RCOR3: variants seen among roughly 807,000 people sequenced by gnomAD.
The protein encoded by RCOR3 is REST corepressor 3.
A neutral mutation model predicts 64.1 loss-of-function variants in RCOR3; 13 were observed. That is an observed-to-expected ratio of 0.20 (90% CI 0.13 to 0.32). The LOEUF (loss-of-function observed/expected upper bound fraction) is 0.32. Among genes scored for constraint, RCOR3 ranks in the 10% least tolerant of loss-of-function variants. The pLI is 1.00. For missense variants in RCOR3, 489 were observed against 701.2 expected (o/e 0.70, Z 3.42); for synonymous variants, 215 against 239.0 (o/e 0.90, Z 0.93).
rs144000435 is a variant in RCOR3 at position 211,313,502 on chromosome 1, A to G, written c.1396A>G (p.Ile466Val). The G allele has an allele frequency of 5.8e-5, 94 of 1,613,854 alleles. 1 individual carries two copies. The highest frequency in any genetic ancestry group is 7.3e-5 in the Non-Finnish European group (86 of 1,180,004). ...ATCCACTCCAACACCAACAGCCCCT[A>G]TTGCCACTCTGAACCAGCCTCCACC... is the stretch of plus-strand genomic sequence containing the variant. ...PSSTPTPTAP[I>V]ATLNQPPPLL... is the part of the protein sequence containing the mutation. The change falls in exon 12 of 12, where the codon ATT (isoleucine) becomes GTT (valine). Residue 466 changes from isoleucine to valine, a missense_variant. Physicochemically the swap from Ile to Val is conservative, Grantham distance 29. This residue lies in a region of RCOR3 where 402 missense variants were observed against 617.0 expected (regional missense o/e 0.65). Transcript: ENST00000419091. The surrounding 1 kb of genome is among the most constrained non-coding windows in gnomAD (Gnocchi z 4.7).
In RCOR3 at chr1:211,313,376, C is replaced by T; in HGVS notation, c.1318-48C>T. 2 of 1,567,148 alleles carry T rather than the reference C, an allele frequency of 1.3e-6. No individual in the cohort carries two copies. Among genetic ancestry groups the T allele is most frequent in the Non-Finnish European group, 1.7e-6 (2 of 1,155,806 alleles). The stretch of plus-strand genomic sequence containing the variant: ...AGCCCAAACTATATTGTATTAAGTT[C>T]ATTAGGACTTACATCTCATACGTGT... On this transcript the variant is annotated intron_variant, in intron 11 of 11. Transcript: ENST00000419091. This position sits in a 1 kb window ranked among gnomAD's most constrained non-coding sequence, Gnocchi z 4.7.
intron 2 of RCOR3, chr1:211,261,193 C>T (rs1234861934): frequency 6.6e-6 from 1 of 152,142 alleles, no homozygotes; most frequent in Non-Finnish European, 1.5e-5. Flanking sequence ...TATTAAAGAG[C>T]TTACTTGTAT....
intron 10 of RCOR3, among the ~76,000 whole-genome samples, chr1:211,308,678 T>G (rs1261807680): frequency 1.4e-4 from 5 of 36,452 alleles, no homozygotes; most frequent in African/African-American, 3.7e-4. Context: ...TTTTTGTTTT[T>G]TTTTTGTTTT....
intron 2 of RCOR3, among the ~76,000 whole-genome samples, chr1:211,264,067 C>T (rs1462573520): frequency 3.3e-5 from 5 of 152,194 alleles, no homozygotes; most frequent in African/African-American, 7.2e-5. Flanking sequence ...AGGTCATCCG[C>T]GTGCCTTGGC....
At chr1:211,276,230 C>T in intron 4 of RCOR3, 27 bp from the exon 5 acceptor site, 1 of 1,603,992 alleles carries the variant, frequency 6.2e-7, no homozygotes, top group Non-Finnish European at 8.5e-7. Flanking sequence ...TCCATTAAAA[C>T]CAAAGGGGAA....
At chr1:211,290,938 C>G (rs1571927845) in intron 8 of RCOR3, among the ~76,000 whole-genome samples, 1 of 151,510 alleles carries the variant, frequency 6.6e-6, no homozygotes, top group African/African-American at 2.4e-5. Context: ...CATTTTCCAG[C>G]TATATCTTTT....
chr1:211,290,263 A>G (rs1378665097), intron 8 of RCOR3, among the ~76,000 whole-genome samples: 2 of 152,142 alleles, frequency 1.3e-5, no homozygotes, highest in African/African-American at 4.8e-5. Context: ...CAAGCTCCTT[A>G]GCTATAGTTC....
intron 1 of RCOR3, 37 bp from the exon 2 acceptor site, chr1:211,260,066 CTTTTT>C: frequency 2.0e-6 from 3 of 1,499,678 alleles, no homozygotes; most frequent in Non-Finnish European, 2.7e-6. Flanking sequence ...TTCTTTTCTT[CTTTTT>C]TATTTTTTAT....
chr1:211,298,773 G>A (rs1484150711), intron 9 of RCOR3, among the ~76,000 whole-genome samples: 3 of 152,112 alleles, frequency 2.0e-5, no homozygotes, highest in South Asian at 4.2e-4. Flanking sequence ...TTGGGAGGCC[G>A]AGGCGGGCGG....
rs752188282 is a variant in RCOR3 at position 211,289,277 on chromosome 1, C to T, written c.820C>T (p.Arg274Cys). Residue 274 changes from arginine (R) to cysteine (C), a missense_variant, in exon 8 of 12, where the codon CGT (arginine) becomes TGT (cysteine). Arg to Cys is a radical substitution (Grantham distance 180). Transcript: ENST00000419091. ...CCATCATTCTCAGCGTTCTAAGTGC[C>T]GTCCACCTAAGGGCATGTATTTAAC... Reference protein sequence around the residue: ...HRHHSQRSKCRPPKGMYLTQE... With the variant: ...HRHHSQRSKCCPPKGMYLTQE... The T allele has an allele frequency of 5.0e-5, 80 of 1,613,948 alleles. No individual in the cohort carries two copies. Among genetic ancestry groups the T allele is most frequent in the Non-Finnish European group, 6.4e-5 (76 of 1,180,008 alleles).
chr1:211,291,642 A>G (rs1171907473), intron 8 of RCOR3: 1 of 446,126 alleles, frequency 2.2e-6, no homozygotes. Flanking sequence ...AAGATTCTCT[A>G]TCTTAAACAT....
rs547854676 is a variant in RCOR3, at chr1:211,312,752, A to G, written c.1108A>G (p.Ile370Val). ...VRKYGKDFQA[I>V]ADVIGNKTVG... ...CAAATATGGTAAAGATTTTCAAGCT[A>G]TTGCAGATGTAATTGGCAACAAGAC... The change falls in exon 11 of 12, where the codon ATT becomes GTT. Residue 370 changes from isoleucine to valine, a missense_variant. Physicochemically the swap from Ile to Val is conservative, Grantham distance 29. Around this residue, in one of 2 missense-constraint regions of RCOR3, gnomAD observed 402 missense variants for 617.0 expected, o/e 0.65. Coordinates refer to ENST00000419091, the MANE Select transcript of RCOR3 (RefSeq NM_001136223.3). This position sits in a 1 kb window ranked among gnomAD's most constrained non-coding sequence, Gnocchi z 5.0. 6.2e-7 allele frequency: 1 copy of G among 1,614,194 alleles called. No individual in the cohort carries two copies. The highest frequency in any genetic ancestry group is 1.3e-5 in the African/African-American group (1 of 75,062).
chr1:211,300,921 T>C (rs1173247551), intron 9 of RCOR3, among the ~76,000 whole-genome samples: 1 of 152,090 alleles, frequency 6.6e-6, no homozygotes, highest in Non-Finnish European at 1.5e-5. Flanking sequence ...TGCGTGCGTG[T>C]GTGTGTGTGT....
At chr1:211,289,036 A>C in intron 7 of RCOR3, 142 bp from the exon 8 acceptor site, 1 of 641,904 alleles carries the variant, frequency 1.6e-6, no homozygotes. Flanking sequence ...GTGTGTATGG[A>C]CTTGTACATA....
chr1:211,279,200 AAAG>A, intron 6 of RCOR3, 35 bp from the exon 7 acceptor site: 4 of 1,397,516 alleles, frequency 2.9e-6, no homozygotes, highest in Non-Finnish European at 4.0e-6. Context: ...AAAAAAAAAA[AAAG>A]GGAATTAAGT....
rs370238660 is a variant in RCOR3, at chr1:211,289,157, A to G, written c.721-21A>G. The G allele has an allele frequency of 2.6e-4, 419 of 1,582,966 alleles. 1 individual carries two copies. The highest frequency in any genetic ancestry group is 3.5e-4 in the Non-Finnish European group (398 of 1,151,846). On this transcript the variant is annotated intron_variant, in intron 7 of 11. Coordinates refer to ENST00000419091, the MANE Select transcript of RCOR3 (RefSeq NM_001136223.3). Reference sequence around the variant, plus strand: ...ATTTGTGAAAACCAAGTGACCTGTTATTCTGCTTTTATTCTCTTAGGGTAA... The same window carrying G: ...ATTTGTGAAAACCAAGTGACCTGTTGTTCTGCTTTTATTCTCTTAGGGTAA...
intron 2 of RCOR3, among the ~76,000 whole-genome samples, chr1:211,261,450 G>A (rs942674775): frequency 6.6e-6 from 1 of 152,086 alleles, no homozygotes; most frequent in Admixed American, 6.5e-5. Context: ...TGACTGGCTG[G>A]GAATACATTT....
At chr1:211,281,129 T>A (rs1322084535) in intron 7 of RCOR3, among the ~76,000 whole-genome samples, 1 of 152,088 alleles carries the variant, frequency 6.6e-6, no homozygotes, top group East Asian at 1.9e-4. Context: ...TACCAGTAAT[T>A]TCCTAAATGC....
At chr1:211,283,006 G>A (rs561060994) in intron 7 of RCOR3, among the ~76,000 whole-genome samples, 3 of 151,924 alleles carry the variant, frequency 2.0e-5, no homozygotes, top group Non-Finnish European at 2.9e-5. Flanking sequence ...TTATTTTTGC[G>A]ATTCATTTTT....
Sources: allele counts gnomAD v4.1 joint callset (sites outside exome capture counted in the v4.1 genomes callset), GRCh38; gene constraint gnomAD v4.1.1; regional missense constraint gnomAD v4.1.1; non-coding constraint Gnocchi (gnomAD v3.1); transcripts MANE v1.5; gene names NCBI Gene and HGNC (gene_info 2026-07-23, HGNC 2026-07-21).